Variants in CDK17 observed in about 807,000 individuals in gnomAD.
The protein encoded by CDK17 is cyclin dependent kinase 17.
CDK17 carries 24 observed loss-of-function variants against 77.6 expected under a neutral mutation model. The observed-to-expected ratio is 0.31, with a 90% CI of 0.22 to 0.44. The LOEUF (loss-of-function observed/expected upper bound fraction) is 0.44. Ranked by LOEUF, CDK17 falls within the 20% of genes least tolerant of loss-of-function variation. CDK17 has a pLI of 1.00. For synonymous variants in CDK17, 203 were observed against 210.4 expected (o/e 0.96, Z 0.30); for missense variants, 429 against 622.5 (o/e 0.69, Z 3.31).
chr12:96,286,639 A>T (rs371843239), intron 12 of CDK17, 25 bp downstream of exon 12: 1 of 1,556,012 alleles, frequency 6.4e-7, no homozygotes, highest in Non-Finnish European at 8.9e-7. Flanking sequence ...GTGCAAAATC[A>T]CTGGGAAAAG....
At chr12:96,372,624 C>A (rs61939089) in intron 1 of CDK17, among the ~76,000 whole-genome samples, 487 of 152,048 alleles carry the variant, frequency 3.2e-3, no homozygotes, top group Non-Finnish European at 5.1e-3. Flanking sequence ...AAAAGGTGTA[C>A]CTGAATAATC....
intron 1 of CDK17, among the ~76,000 whole-genome samples, chr12:96,358,201 G>T (rs965850701): frequency 6.6e-6 from 1 of 151,644 alleles, no homozygotes; most frequent in Non-Finnish European, 1.5e-5. Context: ...ACAAATTAGG[G>T]AGAGGCAAGG....
intron 11 of CDK17, among the ~76,000 whole-genome samples, chr12:96,287,882 A>G (rs1388865059): frequency 6.6e-6 from 1 of 152,226 alleles, no homozygotes; most frequent in Non-Finnish European, 1.5e-5. Flanking sequence ...AATGAACCTT[A>G]AAGACATTAT....
intron 1 of CDK17, among the ~76,000 whole-genome samples, chr12:96,371,141 C>A (rs1253419425): frequency 1.4e-5 from 2 of 147,918 alleles, no homozygotes; most frequent in Non-Finnish European, 3.0e-5. Context: ...CTCATATCCC[C>A]CCCTTAAAAC....
chr12:96,301,241 C>CAAA (rs376295045), intron 5 of CDK17, among the ~76,000 whole-genome samples: 2,612 of 85,360 alleles, frequency 0.031, 145 homozygotes, highest in African/African-American at 0.11. Flanking sequence ...AACACTCGGC[C>CAAA]AAAAAAAAAA....
chr12:96,373,848 A>T (rs1302441987), intron 1 of CDK17, among the ~76,000 whole-genome samples: 2 of 152,082 alleles, frequency 1.3e-5, no homozygotes, highest in Non-Finnish European at 2.9e-5. Flanking sequence ...TGAACCTGAG[A>T]GGTGGAGGTG....
At chr12:96,385,297 G>A (rs572038704) in intron 1 of CDK17, among the ~76,000 whole-genome samples, 44 of 152,260 alleles carry the variant, frequency 2.9e-4, no homozygotes, top group Non-Finnish European at 6.0e-4. Flanking sequence ...CTGGGCGACA[G>A]AGTGAGACTC....
chr12:96,312,263 T>G (rs1952654277), intron 4 of CDK17, among the ~76,000 whole-genome samples: 1 of 152,008 alleles, frequency 6.6e-6, no homozygotes, highest in South Asian at 2.1e-4. Flanking sequence ...GGTGACAGAG[T>G]GAGGCCCTGT....
At chr12:96,303,158 T>TCAGAGGA (rs1952531108) in intron 5 of CDK17, 1 of 152,188 alleles carries the variant, frequency 6.6e-6, no homozygotes, top group Non-Finnish European at 1.5e-5. Context: ...CAGAAATTAT[T>TCAGAGGA]CAGAGGACAG....
chr12:96,286,136 T>C lies in CDK17; in HGVS notation c.1229A>G (p.Gln410Arg), dbSNP rs747545805. 1.5e-6 allele frequency: 2 copies of C among 1,344,264 alleles called. No homozygotes were observed. The highest frequency in any genetic ancestry group is 2.1e-5 in the South Asian group (1 of 48,422). 83.3% of individuals were successfully genotyped at this position (1,344,264 alleles called of 1,614,324 possible). The change falls in exon 13 of 17, where the codon CAG becomes CGG. Residue 410 changes from glutamine to arginine, a missense_variant. Physicochemically the swap from Gln to Arg is conservative, Grantham distance 43 (BLOSUM62 1). Around this residue, in one of 4 missense-constraint regions of CDK17, gnomAD observed 51 missense variants for 96.5 expected, o/e 0.53. Coordinates refer to ENST00000261211, the MANE Select transcript of CDK17 (RefSeq NM_002595.5). ...LIFRLLGTPS[Q>R]ETWPGISSNE... ...TGAAGAAATACCTGGCCAAGTTTCC[T>C]GAGATGGAGTTCCTGAATTAAAAAA...
At chr12:96,293,538 G>A (rs1476474645) in intron 10 of CDK17, among the ~76,000 whole-genome samples, 3 of 152,172 alleles carry the variant, frequency 2.0e-5, no homozygotes, top group Non-Finnish European at 4.4e-5. Flanking sequence ...AGCCTTTTCT[G>A]ATAAATGTGA....
chr12:96,350,791 G>A (rs118063462), intron 1 of CDK17, among the ~76,000 whole-genome samples: 2,076 of 152,098 alleles, frequency 0.014, 34 homozygotes, highest in Middle Eastern at 0.024. Context: ...TCCTGATATT[G>A]GATTTCACAA....
chr12:96,282,478 A>T, intron 15 of CDK17, 31 bp downstream of exon 15: 1 of 1,411,422 alleles, frequency 7.1e-7, no homozygotes, highest in Non-Finnish European at 1.0e-6. Context: ...ATAAAAATAA[A>T]GCAGGGAAAA....
At chr12:96,365,219 G>A (rs1042269543) in intron 1 of CDK17, among the ~76,000 whole-genome samples, 3 of 151,950 alleles carry the variant, frequency 2.0e-5, no homozygotes, top group Non-Finnish European at 4.4e-5. Context: ...ATTCCACAAA[G>A]TTGATAATTC....
At chr12:96,341,344 C>CACACACAT (rs149595808) in intron 1 of CDK17, among the ~76,000 whole-genome samples, 1 of 149,806 alleles carries the variant, frequency 6.7e-6, no homozygotes, top group East Asian at 1.9e-4. Context: ...CACACACACA[C>CACACACAT]GTCTCATATA....
chr12:96,283,587 G>GTT lies in CDK17; in HGVS notation c.1365+15_1365+16insAA. ...CTTAACAACCTATTTAACAATTACT[G>GTT]TAAGAACTGACTTACCTGAAGAAAT... On this transcript the variant is annotated intron_variant, in intron 14 of 16. Transcript: ENST00000261211. The GTT allele has an allele frequency of 1.3e-6, 2 of 1,534,794 alleles. No homozygotes were observed. The highest frequency in any genetic ancestry group is 1.8e-6 in the Non-Finnish European group (2 of 1,110,184).
intron 1 of CDK17, among the ~76,000 whole-genome samples, chr12:96,376,848 A>T (rs968896946): frequency 6.6e-6 from 1 of 152,208 alleles, no homozygotes; most frequent in African/African-American, 2.4e-5. Context: ...ATCCTATAAG[A>T]AACAGGATAA....
intron 1 of CDK17, among the ~76,000 whole-genome samples, chr12:96,397,707 T>C (rs926028565): frequency 3.3e-5 from 5 of 152,202 alleles, no homozygotes; most frequent in Middle Eastern, 3.2e-3. Context: ...TTCCATCTAG[T>C]AACACTGAAG....
intron 1 of CDK17, among the ~76,000 whole-genome samples, chr12:96,339,270 C>T (rs138177467): frequency 2.1e-4 from 32 of 152,114 alleles, no homozygotes; most frequent in African/African-American, 6.7e-4. Context: ...AAACTGTAGC[C>T]AACAGCAGGC....
Sources: gnomAD v4.1 joint callset for allele counts (sites outside exome capture counted in the v4.1 genomes callset) on GRCh38, gnomAD v4.1.1 for gene constraint, gnomAD v4.1.1 regional missense constraint, MANE v1.5 for transcripts, NCBI Gene and HGNC (gene_info 2026-07-23, HGNC 2026-07-21) for gene names.